The following SDK2 variants were observed in gnomAD, a reference collection of about 807,000 sequenced individuals.
The protein encoded by SDK2 is sidekick cell adhesion molecule 2, also known as protein sidekick-2.
SDK2 carries 105 observed loss-of-function variants against 253.9 expected under a neutral mutation model. The ratio of observed to expected loss-of-function variants is 0.41; its 90% CI spans 0.35 to 0.49. SDK2 has a LOEUF of 0.49. Among genes scored for constraint, SDK2 ranks in the 20% least tolerant of loss-of-function variants. The probability of loss-of-function intolerance (pLI) is 0.06; values close to 1 mark genes in which losing one functional copy is unlikely to be tolerated. For synonymous variants in SDK2, 1,249 were observed against 1,234.9 expected (o/e 1.01, Z -0.24); for missense variants, 2,608 against 3,003.0 (o/e 0.87, Z 3.07).
chr17:73,551,972 C>G (rs1412802194), intron 1 of SDK2, among the ~76,000 whole-genome samples: 4 of 152,186 alleles, frequency 2.6e-5, no homozygotes, highest in Non-Finnish European at 5.9e-5. Flanking sequence ...TGCCACCAGA[C>G]TGATAGATGG....
At chr17:73,535,975 C>T (rs1216308987) in intron 1 of SDK2, among the ~76,000 whole-genome samples, 2 of 152,162 alleles carry the variant, frequency 1.3e-5, no homozygotes, top group African/African-American at 4.8e-5. Context: ...TCCTCCACGC[C>T]CACTCTGACA....
intron 44 of SDK2, among the ~76,000 whole-genome samples, chr17:73,345,466 C>T (rs1229618967): frequency 2.0e-5 from 3 of 152,128 alleles, no homozygotes; most frequent in South Asian, 2.1e-4. Context: ...CATATTATAA[C>T]GCAACATTCA....
intron 3 of SDK2, among the ~76,000 whole-genome samples, chr17:73,468,939 T>G (rs1390569310): frequency 6.6e-6 from 1 of 151,908 alleles, no homozygotes; most frequent in Non-Finnish European, 1.5e-5. Context: ...ATTCTCCCAC[T>G]TCAGCCTCCC....
At chr17:73,515,624 G>A (rs1013119473) in intron 1 of SDK2, among the ~76,000 whole-genome samples, 3 of 152,240 alleles carry the variant, frequency 2.0e-5, no homozygotes, top group East Asian at 1.9e-4. Context: ...GCATGCAGGC[G>A]TGGGGGCCAA....
chr17:73,388,973 T>TC (rs113883034), intron 29 of SDK2, among the ~76,000 whole-genome samples: 69,910 of 76,272 alleles, frequency 0.92, 32,778 homozygotes, highest in East Asian at 0.98. Context: ...TCTCCTCCCT[T>TC]CCCTTCCCCT....
chr17:73,379,127 A>G lies in SDK2; in HGVS notation c.4980+50T>C. ...CATATCACTCACTCCCCAGCCTCCGACCTGGCTTCTCATCCGTGCACCCCT... is the reference window on the plus strand; with the variant it reads ...CATATCACTCACTCCCCAGCCTCCGGCCTGGCTTCTCATCCGTGCACCCCT... On this transcript the variant is annotated intron_variant, in intron 36 of 44. Transcript: ENST00000392650. The surrounding 1 kb of genome is among the most constrained non-coding windows in gnomAD (Gnocchi z 4.5). 7.2e-7 allele frequency: 1 copy of G among 1,397,698 alleles called. No individual in the cohort carries two copies. Among genetic ancestry groups the G allele is most frequent in the Non-Finnish European group, 9.9e-7 (1 of 1,010,264 alleles). 86.6% of individuals were successfully genotyped at this position (1,397,698 alleles called of 1,614,324 possible).
At chr17:73,559,192 G>T (rs1261473414) in intron 1 of SDK2, among the ~76,000 whole-genome samples, 1 of 152,132 alleles carries the variant, frequency 6.6e-6, no homozygotes, top group Non-Finnish European at 1.5e-5. Flanking sequence ...CAGTCAATGG[G>T]GCAGAGTGAC....
At chr17:73,433,895 C>T (rs2063347618) in intron 9 of SDK2, 47 bp from the exon 10 acceptor site, 1 of 1,361,130 alleles carries the variant, frequency 7.3e-7, no homozygotes, top group Non-Finnish European at 9.8e-7. Context: ...TGGGAGATGT[C>T]CCCCAAGCCA....
chr17:73,352,235 T>A lies in SDK2; in HGVS notation c.5758+238A>T, dbSNP rs1006718745. On this transcript the variant is annotated intron_variant, in intron 41 of 44. Transcript: ENST00000392650. The surrounding 1 kb of genome is among the most constrained non-coding windows in gnomAD (Gnocchi z 4.1). ...CTGCTCTGCCCCTACCCAGGGCTTC[T>A]GGAGTTCCTTGAAAGGGAGCCCCAA... is the stretch of plus-strand genomic sequence containing the variant. Among the ~76,000 whole-genome samples the A allele has an allele frequency of 2.0e-5, 3 of 152,172 alleles. No homozygotes were observed. The highest frequency in any genetic ancestry group is 4.4e-5 in the Non-Finnish European group (3 of 68,020).
At chr17:73,491,123 A>G (rs1159213545) in intron 2 of SDK2, among the ~76,000 whole-genome samples, 1 of 152,212 alleles carries the variant, frequency 6.6e-6, no homozygotes, top group East Asian at 1.9e-4. Context: ...GGCGTAAGGC[A>G]TAGTCGGCAA....
intron 1 of SDK2, among the ~76,000 whole-genome samples, chr17:73,567,664 A>G (rs2045330205): frequency 6.6e-6 from 1 of 152,258 alleles, no homozygotes; most frequent in Non-Finnish European, 1.5e-5. Flanking sequence ...TGGGAGCCCA[A>G]CCCTCACACC....
At position 73,337,519 on chromosome 17, in the gene SDK2, G is replaced by GTT. The variant is rs2062390357; in HGVS notation, c.*1067_*1068insAA. On this transcript the variant is annotated 3_prime_UTR_variant, in exon 45 of 45. Transcript: ENST00000392650. ...GCATGGGAGATGTGTGTGTGTGTGT[G>GTT]TGTGTGGTGAGGATCTATCCAGTGG... is the stretch of plus-strand genomic sequence containing the variant. 6.6e-6 allele frequency: 1 copy of GTT among 152,502 alleles called. No homozygotes were observed. Among genetic ancestry groups the GTT allele is most frequent in the South Asian group, 2.1e-4 (1 of 4,818 alleles). 9.4% of individuals were successfully genotyped at this position (152,502 alleles called of 1,614,324 possible).
intron 36 of SDK2, chr17:73,369,050 C>T: frequency 2.6e-6 from 1 of 384,782 alleles, no homozygotes; most frequent in South Asian, 1.9e-5. Context: ...GTTTTAGAAA[C>T]CTTTCTGGAA....
chr17:73,460,296 C>A (rs971910378), intron 3 of SDK2, among the ~76,000 whole-genome samples: 14 of 152,314 alleles, frequency 9.2e-5, no homozygotes, highest in African/African-American at 3.1e-4. Flanking sequence ...CAACGCTGGA[C>A]ATGTGAACAA....
chr17:73,401,588 A>AT (rs1336663901), intron 20 of SDK2, 66 bp downstream of exon 20: 1 of 1,397,436 alleles, frequency 7.2e-7, no homozygotes, highest in Non-Finnish European at 9.9e-7. Context: ...AAGGCAGGGG[A>AT]TGGACCAGCT....
At position 73,338,582 on chromosome 17, in the gene SDK2, T is replaced by A. The variant is rs1409377205; in HGVS notation, c.*5A>T. 6.7e-7 allele frequency: 1 copy of A among 1,494,696 alleles called. No individual in the cohort carries two copies. The highest frequency in any genetic ancestry group is 8.9e-7 in the Non-Finnish European group (1 of 1,120,418). The allele number at this position is 1,494,696 out of a possible 1,614,324, so 92.6% of individuals were successfully genotyped here. A position where few individuals can be genotyped will look rare whatever the true frequency, so the allele number is the denominator to read the frequency against. On this transcript the variant is annotated 3_prime_UTR_variant, in exon 45 of 45. Coordinates refer to ENST00000392650, the MANE Select transcript of SDK2 (RefSeq NM_001144952.2). This position sits in a 1 kb window ranked among gnomAD's most constrained non-coding sequence, Gnocchi z 5.0. ...TTTCTCTTTCTGCTTTTTCCTCTTC[T>A]GATGTCAAACAAATGATGAAAATCC...
At chr17:73,494,779 G>A (rs1301832447) in intron 2 of SDK2, among the ~76,000 whole-genome samples, 2 of 152,138 alleles carry the variant, frequency 1.3e-5, no homozygotes, top group Non-Finnish European at 2.9e-5. Flanking sequence ...GGCCACACTC[G>A]GTCCCCTCAT....
At chr17:73,512,804 C>T (rs944580475) in intron 1 of SDK2, among the ~76,000 whole-genome samples, 5 of 151,954 alleles carry the variant, frequency 3.3e-5, no homozygotes, top group Non-Finnish European at 5.9e-5. Context: ...CAAATACATA[C>T]GAGGAAATTT....
At chr17:73,429,671 T>G (rs1253829721) in intron 12 of SDK2, among the ~76,000 whole-genome samples, 1 of 152,220 alleles carries the variant, frequency 6.6e-6, no homozygotes, top group Non-Finnish European at 1.5e-5. Context: ...GACAGTGATA[T>G]TGCTCATAAA....
Sources: allele counts gnomAD v4.1 joint callset (sites outside exome capture counted in the v4.1 genomes callset), GRCh38; gene constraint gnomAD v4.1.1; non-coding constraint Gnocchi (gnomAD v3.1); transcripts MANE v1.5; gene names NCBI Gene and HGNC (gene_info 2026-07-23, HGNC 2026-07-21).